KLHL6: variants seen among roughly 807,000 people sequenced by gnomAD.
The protein encoded by KLHL6 is kelch like family member 6, also known as kelch-like protein 6.
A neutral mutation model predicts 58.6 loss-of-function variants in KLHL6; 41 were observed. The observed-to-expected ratio is 0.70, with a 90% CI of 0.55 to 0.91. The LOEUF (loss-of-function observed/expected upper bound fraction) is 0.91, where lower values mean the gene tolerates loss of function less well. Ranked by LOEUF, KLHL6 falls within the 40% of genes least tolerant of loss-of-function variation. The pLI, the probability that KLHL6 is intolerant of heterozygous loss-of-function variation, is 0.00. For synonymous variants in KLHL6, 338 were observed against 322.7 expected, an observed-to-expected ratio of 1.05 and a Z score of -0.51; for missense variants, 714 against 805.6, an observed-to-expected ratio of 0.89 and a Z score of 1.38.
intron 2 of KLHL6, among the ~76,000 whole-genome samples, chr3:183,525,922 G>C (rs1711948782): frequency 2.0e-5 from 3 of 152,358 alleles, no homozygotes; most frequent in Non-Finnish European, 2.9e-5. Flanking sequence ...GGAATATGAA[G>C]AACAGCAGGA....
rs1321221739 is a variant in KLHL6 at position 183,508,991 on chromosome 3, A to AGAG, written c.460-486_460-484dup. Among the ~76,000 whole-genome samples the AGAG allele has an allele frequency of 2.0e-5, 3 of 152,246 alleles. No individual in the cohort carries two copies. In the East Asian group the frequency reaches 5.8e-4, roughly 29 times the overall value. Reference sequence around the variant, plus strand: ...AGCAATTTACAGGAAATACAGGGAAAGAGGAACCTGCTAAAGACGTCATGG... The same window carrying AGAG: ...AGCAATTTACAGGAAATACAGGGAAAGAGGAGGAACCTGCTAAAGACGTCATGG... On this transcript the variant is annotated intron_variant, in intron 2 of 6. Transcript: ENST00000341319.
In KLHL6 at chr3:183,492,337, G is replaced by A. The variant is rs1241358140; in HGVS notation, c.1565-109C>T. 1.5e-6 allele frequency: 2 copies of A among 1,334,604 alleles called. No individual in the cohort carries two copies. The highest frequency in any genetic ancestry group is 2.0e-6 in the Non-Finnish European group (2 of 978,376). 82.7% of individuals were successfully genotyped at this position (1,334,604 alleles called of 1,614,324 possible). A position where few individuals can be genotyped will look rare whatever the true frequency, so the allele number is the denominator to read the frequency against. On this transcript the variant is annotated intron_variant, in intron 6 of 6. Coordinates refer to ENST00000341319, the MANE Select transcript of KLHL6 (RefSeq NM_130446.4). The surrounding 1 kb of genome is among the most constrained non-coding windows in gnomAD (Gnocchi z 5.9). ...TAGGCCAAGTCTACCCTCTTGCCAA[G>A]AGAAACAGTCGATTGATGGCTCTCC...
intron 1 of KLHL6, among the ~76,000 whole-genome samples, chr3:183,531,765 C>T (rs1317575325): frequency 6.6e-6 from 1 of 152,086 alleles, no homozygotes; most frequent in Non-Finnish European, 1.5e-5. Flanking sequence ...ATATTTCTCC[C>T]TTTTGGAATG....
chr3:183,542,004 C>T (rs990498034), intron 1 of KLHL6, among the ~76,000 whole-genome samples: 2 of 152,070 alleles, frequency 1.3e-5, no homozygotes, highest in South Asian at 4.2e-4. Context: ...AACCTCACTT[C>T]CCCCTACCCT....
intron 1 of KLHL6, among the ~76,000 whole-genome samples, chr3:183,534,137 T>TTACTC: frequency 7.1e-6 from 1 of 140,854 alleles, no homozygotes; most frequent in African/African-American, 2.6e-5. Context: ...ACTTTGTACT[T>TTACTC]TTAAAGTACT....
At chr3:183,528,944 A>C (rs1220016818) in intron 1 of KLHL6, among the ~76,000 whole-genome samples, 5 of 152,204 alleles carry the variant, frequency 3.3e-5, no homozygotes, top group Non-Finnish European at 5.9e-5. Flanking sequence ...TGGTACATAA[A>C]CACCATGGAA....
rs747326773 is a variant in KLHL6, at chr3:183,540,675, A to T, written c.294-12665T>A. Among the ~76,000 whole-genome samples, 3 of 151,806 alleles carry T rather than the reference A, an allele frequency of 2.0e-5. No homozygotes were observed. The East Asian group carries it at 5.8e-4, about 29-fold the overall frequency. ...CACCTCAGCCTCCGAAGTAGCTGAG[A>T]CTGCAGGCACACGCCACCACACCCG... On this transcript the variant is annotated intron_variant, in intron 1 of 6. Coordinates refer to ENST00000341319, the MANE Select transcript of KLHL6 (RefSeq NM_130446.4).
intron 2 of KLHL6, among the ~76,000 whole-genome samples, chr3:183,517,413 T>C (rs953429606): frequency 5.3e-5 from 8 of 152,330 alleles, no homozygotes; most frequent in Admixed American, 5.2e-4. Flanking sequence ...CGTGGCAGTA[T>C]GTCTCACAGT....
intron 2 of KLHL6, among the ~76,000 whole-genome samples, chr3:183,514,205 G>A (rs898194781): frequency 1.3e-5 from 2 of 152,204 alleles, no homozygotes; most frequent in African/African-American, 2.4e-5. Flanking sequence ...AATACAACAC[G>A]GAGTGTGGAA....
At chr3:183,531,782 T>C (rs925873016) in intron 1 of KLHL6, among the ~76,000 whole-genome samples, 1 of 152,210 alleles carries the variant, frequency 6.6e-6, no homozygotes, top group Non-Finnish European at 1.5e-5. Context: ...AATGGGAATG[T>C]CTATCCCACA....
intron 2 of KLHL6, among the ~76,000 whole-genome samples, chr3:183,512,544 T>G (rs1045368340): frequency 1.8e-4 from 28 of 151,714 alleles, no homozygotes; most frequent in Non-Finnish European, 1.5e-5. Context: ...CAGGCTGGAG[T>G]GCAATGGCAT....
intron 4 of KLHL6, among the ~76,000 whole-genome samples, chr3:183,497,444 A>G (rs761929029): frequency 6.6e-6 from 1 of 152,182 alleles, no homozygotes; most frequent in African/African-American, 2.4e-5. Flanking sequence ...CACGTGTAGT[A>G]TATGTGACAA....
rs571243132 is a variant in KLHL6, at chr3:183,499,594, G to C, written c.1143C>G (p.Ile381Met). Residue 381 changes from isoleucine to methionine, a missense_variant, in exon 4 of 7, where the codon ATC becomes ATG. Ile to Met is a conservative substitution (Grantham distance 10). This residue lies in a region of KLHL6 where 510 missense variants were observed against 629.7 expected (regional missense o/e 0.81). Coordinates refer to ENST00000341319, the MANE Select transcript of KLHL6 (RefSeq NM_130446.4). This position sits in a 1 kb window ranked among gnomAD's most constrained non-coding sequence, Gnocchi z 4.6. ...CTTTACATGACTCCTGCTTACCTGA[G>C]ATGTAGACCTCATTTTTCAATGTCA... ...ACVTLKNEVY[I>M]SGGKETQHDV... 1 of 1,592,286 alleles carries C rather than the reference G, an allele frequency of 6.3e-7. No homozygotes were observed. The highest frequency in any genetic ancestry group is 1.1e-5 in the South Asian group (1 of 87,232).
At chr3:183,531,745 C>A (rs1456544982) in intron 1 of KLHL6, among the ~76,000 whole-genome samples, 1 of 152,140 alleles carries the variant, frequency 6.6e-6, no homozygotes, top group African/African-American at 2.4e-5. Flanking sequence ...CGTGCCCAGC[C>A]CCATCTTTCA....
intron 1 of KLHL6, among the ~76,000 whole-genome samples, chr3:183,545,506 C>G (rs1422381402): frequency 1.3e-5 from 2 of 152,140 alleles, no homozygotes; most frequent in African/African-American, 4.8e-5. Flanking sequence ...GGAAGATTAT[C>G]TAAAATTGAA....
chr3:183,529,067 T>C (rs1577195162), intron 1 of KLHL6, among the ~76,000 whole-genome samples: 1 of 152,194 alleles, frequency 6.6e-6, no homozygotes, highest in East Asian at 1.9e-4. Flanking sequence ...AAATATCTCA[T>C]GTTCTTACTT....
intron 1 of KLHL6, among the ~76,000 whole-genome samples, chr3:183,555,028 G>A (rs969446971): frequency 6.6e-6 from 1 of 152,102 alleles, no homozygotes; most frequent in Non-Finnish European, 1.5e-5. Context: ...TCCGGGTGTT[G>A]TGGTGCATGC....
chr3:183,527,077 C>T (rs1013248893), intron 2 of KLHL6, among the ~76,000 whole-genome samples: 13 of 150,620 alleles, frequency 8.6e-5, no homozygotes, highest in African/African-American at 2.4e-4. Flanking sequence ...CCAGCCTGGG[C>T]GTCACAGCGA....
intron 1 of KLHL6, among the ~76,000 whole-genome samples, chr3:183,532,154 A>G (rs1476753991): frequency 6.6e-6 from 1 of 152,218 alleles, no homozygotes; most frequent in Admixed American, 6.5e-5. Flanking sequence ...AAATGAGATC[A>G]TAAGGGTGGA....
Sources: allele counts gnomAD v4.1 joint callset (sites outside exome capture counted in the v4.1 genomes callset), GRCh38; gene constraint gnomAD v4.1.1; regional missense constraint gnomAD v4.1.1; non-coding constraint Gnocchi (gnomAD v3.1); transcripts MANE v1.5; gene names NCBI Gene and HGNC (gene_info 2026-07-23, HGNC 2026-07-21).